Variants in IL3RA observed in about 807,000 individuals in gnomAD.
The protein encoded by IL3RA is interleukin-3 receptor subunit alpha.
A neutral mutation model predicts 52.3 loss-of-function variants in IL3RA; 73 were observed. The ratio of observed to expected loss-of-function variants is 1.40; its 90% confidence interval spans 1.16 to 1.70. The LOEUF (loss-of-function observed/expected upper bound fraction) is 1.70. IL3RA is among the 40% of genes most tolerant of loss of function. The pLI, the probability that IL3RA is intolerant of heterozygous loss-of-function variation, is 0.00. For synonymous variants in IL3RA, 260 were observed against 194.0 expected, an observed-to-expected ratio of 1.34 and a Z score of -2.83; for missense variants, 664 against 504.4, an observed-to-expected ratio of 1.32 and a Z score of -3.03.
At chrX:1,359,160 G>A (rs1373146974) in intron 8 of IL3RA, among the ~76,000 whole-genome samples, 1 of 152,006 alleles carries the variant, frequency 6.6e-6, no homozygotes, top group Non-Finnish European at 1.5e-5. Context: ...ACCTCCCAAG[G>A]TGTGAGAGCC....
At chrX:1,377,101 G>GGC (rs2088810075) in intron 9 of IL3RA, among the ~76,000 whole-genome samples, 2 of 93,088 alleles carry the variant, frequency 2.1e-5, no homozygotes, top group African/African-American at 1.1e-4. Flanking sequence ...AACCCTGTGG[G>GGC]ACACGGAGAA....
At chrX:1,348,622 G>T in intron 4 of IL3RA, 77 bp downstream of exon 4, 1 of 941,252 alleles carries the variant, frequency 1.1e-6, no homozygotes, top group East Asian at 2.5e-5. Flanking sequence ...CGCCTTCGCT[G>T]TGTCTTTTTT....
chrX:1,339,132 G>A (rs1320911787), intron 1 of IL3RA, among the ~76,000 whole-genome samples: 3 of 151,302 alleles, frequency 2.0e-5, no homozygotes, highest in Admixed American at 1.3e-4. Flanking sequence ...GAGCCACCGC[G>A]CCTGGCCAAT....
chrX:1,349,186 C>CTT lies in IL3RA; in HGVS notation c.298+641_298+642insTT, dbSNP rs1228715909. ...CCATGCCCACCTAATTTTTTAAACACCTTTTTTTTTTTTTAGACAGAGTCT... is the reference window on the plus strand; with the variant it reads ...CCATGCCCACCTAATTTTTTAAACACTTCTTTTTTTTTTTTTAGACAGAGTCT... On this transcript the variant is annotated intron_variant, in intron 4 of 11. Coordinates refer to ENST00000331035, the MANE Select transcript of IL3RA (RefSeq NM_002183.4). Among the ~76,000 whole-genome samples the CTT allele has an allele frequency of 2.8e-4, 25 of 88,680 alleles. No individual in the cohort carries two copies. In the East Asian group the frequency reaches 4.1e-3, roughly 15 times the overall value. 58.2% of individuals were successfully genotyped at this position (88,680 alleles called of 152,430 possible). A position where few individuals can be genotyped will look rare whatever the true frequency, so the allele number is the denominator to read the frequency against.
At chrX:1,354,400 G>A (rs2086456382) in intron 6 of IL3RA, among the ~76,000 whole-genome samples, 1 of 151,342 alleles carries the variant, frequency 6.6e-6, no homozygotes, top group African/African-American at 2.4e-5. Context: ...CCAAGGGCAG[G>A]GTGCTCGGAT....
intron 1 of IL3RA, among the ~76,000 whole-genome samples, chrX:1,340,321 A>G (rs1463810721): frequency 1.3e-4 from 19 of 151,874 alleles, no homozygotes; most frequent in African/African-American, 3.4e-4. Flanking sequence ...TCACCATGTT[A>G]GCCAGGCTGG....
Position 1,353,813 on chromosome X carries a change from C to T in IL3RA, c.616+1307C>T, listed in dbSNP as rs2086353276. ...CCATCATGGGTCATGGGACCCCCCC[C>T]ATCACGGGTTCCATCATGGGTCATG... On this transcript the variant is annotated intron_variant, in intron 6 of 11. Coordinates refer to ENST00000331035, the MANE Select transcript of IL3RA (RefSeq NM_002183.4). Among the ~76,000 whole-genome samples, 2 of 143,888 alleles carry T rather than the reference C, an allele frequency of 1.4e-5. 1 individual carries two copies. Among genetic ancestry groups the T allele is most frequent in the East Asian group, 4.1e-4 (2 of 4,874 alleles). 94.4% of individuals were successfully genotyped at this position (143,888 alleles called of 152,430 possible). A position where few individuals can be genotyped will look rare whatever the true frequency, so the allele number is the denominator to read the frequency against.
At position 1,348,541 on chromosome X, in the gene IL3RA, G is replaced by A. The variant is rs2085882331; in HGVS notation, c.294G>A (p.Glu98=). 5.6e-6 allele frequency: 9 copies of A among 1,608,818 alleles called. No individual in the cohort carries two copies. Among genetic ancestry groups the A allele is most frequent in the Non-Finnish European group, 7.7e-6 (9 of 1,175,444 alleles). The change falls in exon 4 of 12, where the codon GAG becomes GAA. Residue 98 remains glutamate (E), a synonymous_variant. Coordinates refer to ENST00000331035, the MANE Select transcript of IL3RA (RefSeq NM_002183.4). ...PPFSTWILFP[E]NSGKPWAGAE... is the part of the protein sequence containing the mutation. Reference sequence around the variant, plus strand: ...TCTCCACGTGGATCCTCTTCCCTGAGAACAGTGAGAAAAATGTTCATTGTT... The same window carrying A: ...TCTCCACGTGGATCCTCTTCCCTGAAAACAGTGAGAAAAATGTTCATTGTT...
chrX:1,361,428 G>A, intron 8 of IL3RA, among the ~76,000 whole-genome samples: 1 of 152,210 alleles, frequency 6.6e-6, no homozygotes, highest in Non-Finnish European at 1.5e-5. Context: ...GAGGAGGAAA[G>A]GCATGTCTTA....
chrX:1,351,556 G>A (rs1279608518), intron 4 of IL3RA, among the ~76,000 whole-genome samples: 4 of 150,782 alleles, frequency 2.7e-5, no homozygotes, highest in South Asian at 4.2e-4. Flanking sequence ...CTCGAACTCC[G>A]GACCTCAGGT....
chrX:1,378,763 A>T lies in IL3RA; in HGVS notation c.979A>T (p.Arg327Trp). The T allele has an allele frequency of 6.2e-7, 1 of 1,612,276 alleles. No homozygotes were observed. The highest frequency in any genetic ancestry group is 8.5e-7 in the Non-Finnish European group (1 of 1,179,734). Reference sequence around the variant, plus strand: ...GGTCTGTGTCTTCGTGATCTGCAGAAGGTGAGCCCTCGAGGGCGTCCGCGA... The same window carrying T: ...GGTCTGTGTCTTCGTGATCTGCAGATGGTGAGCCCTCGAGGGCGTCCGCGA... ...ALVCVFVICRRYLVMQRLFPR... is the reference protein window; with the variant it reads ...ALVCVFVICRWYLVMQRLFPR... Residue 327 changes from arginine (R) to tryptophan (W), a missense_variant and splice_region_variant, in exon 10 of 12, where the codon AGG becomes TGG. Arg to Trp is a moderately radical substitution (Grantham distance 101). Coordinates refer to ENST00000331035, the MANE Select transcript of IL3RA (RefSeq NM_002183.4).
intron 3 of IL3RA, among the ~76,000 whole-genome samples, chrX:1,346,229 A>C (rs17883455): frequency 1.3e-4 from 20 of 152,078 alleles, no homozygotes; most frequent in African/African-American, 4.8e-4. Flanking sequence ...ACCTGGGGCC[A>C]GGAGTTCGAG....
At chrX:1,382,350 G>C (rs779919410) in intron 11 of IL3RA, 41 bp from the exon 12 acceptor site, 2 of 1,538,804 alleles carry the variant, frequency 1.3e-6, no homozygotes, top group Admixed American at 1.7e-5. Context: ...TCTGTTATCT[G>C]GGGGGTGGCC....
At chrX:1,376,729 G>A (rs2088768672) in intron 9 of IL3RA, among the ~76,000 whole-genome samples, 1 of 104,710 alleles carries the variant, frequency 9.6e-6, no homozygotes, top group Non-Finnish European at 1.9e-5. Flanking sequence ...CCAGCCTCCA[G>A]GGCTGTGGGA....
At chrX:1,364,797 T>C (rs7472676) in intron 8 of IL3RA, among the ~76,000 whole-genome samples, 33 of 144,918 alleles carry the variant, frequency 2.3e-4, no homozygotes, top group African/African-American at 6.4e-4. Flanking sequence ...TTCTTTTATT[T>C]ATTTATTTAT....
chrX:1,345,405 T>A lies in IL3RA; in HGVS notation c.154T>A (p.Cys52Ser). The A allele has an allele frequency of 6.2e-7, 1 of 1,607,892 alleles. No homozygotes were observed. The highest frequency in any genetic ancestry group is 8.5e-7 in the Non-Finnish European group (1 of 1,176,164). Residue 52 changes from cysteine to serine, a missense_variant, in exon 3 of 12, where the codon TGT becomes AGT. Coordinates refer to ENST00000331035, the MANE Select transcript of IL3RA (RefSeq NM_002183.4). ...DLNRNVTDIE[C>S]VKDADYSMPA... The stretch of plus-strand genomic sequence containing the variant: ...TAACAGAAATGTGACCGATATCGAG[T>A]GTGTTAAAGACGCCGACTATTCTAT...
At chrX:1,379,455 C>T (rs1216021271) in intron 10 of IL3RA, among the ~76,000 whole-genome samples, 4 of 151,848 alleles carry the variant, frequency 2.6e-5, no homozygotes, top group Non-Finnish European at 5.9e-5. Flanking sequence ...CGCACCTGGC[C>T]CCTTGAGAAT....
intron 9 of IL3RA, among the ~76,000 whole-genome samples, chrX:1,378,146 G>A (rs1363906555): frequency 9.0e-5 from 13 of 144,482 alleles, no homozygotes; most frequent in African/African-American, 3.1e-4. Context: ...TCGTGCCACT[G>A]CACTCCAGCC....
intron 11 of IL3RA, among the ~76,000 whole-genome samples, chrX:1,381,318 A>G (rs1338059460): frequency 6.6e-6 from 1 of 152,182 alleles, no homozygotes; most frequent in East Asian, 1.9e-4. Context: ...GGATCACTTG[A>G]ACCCGGGAGG....
Sources: gnomAD v4.1 joint callset for allele counts (sites outside exome capture counted in the v4.1 genomes callset) on GRCh38, gnomAD v4.1.1 for gene constraint, MANE v1.5 for transcripts, NCBI Gene and HGNC (gene_info 2026-07-23, HGNC 2026-07-21) for gene names.